RPL7: variants seen among roughly 807,000 people sequenced by gnomAD.
The protein encoded by RPL7 is ribosomal protein L7.
For synonymous variants in RPL7, 100 were observed against 102.2 expected (o/e 0.98, Z 0.13); for missense variants, 205 against 301.9 (o/e 0.68, Z 2.38).
At chr8:73,293,654 T>G (rs746636145), upstream of RPL7, 3 of 1,612,372 alleles carry the variant, frequency 1.9e-6, no homozygotes, top group Non-Finnish European at 2.5e-6. Context: ...ATGCGTACTG[T>G]CCACTTAAAG....
intron 2 of RPL7, 60 bp from the exon 3 acceptor site, chr8:73,292,465 T>A (rs552480159): frequency 2.5e-5 from 36 of 1,448,246 alleles, no homozygotes; most frequent in Non-Finnish European, 3.4e-5. Flanking sequence ...GCAATGCCAA[T>A]CATTAAAAAG....
chr8:73,293,428 G>C, intron 1 of RPL7, 171 bp downstream of exon 1: 2 of 761,624 alleles, frequency 2.6e-6, no homozygotes, highest in African/African-American at 3.5e-5. Context: ...TCCTAAGACC[G>C]CCCGCATCCC....
At position 73,292,255 on chromosome 8, in the gene RPL7, C is replaced by A; in HGVS notation, c.274G>T (p.Val92Phe). The A allele has an allele frequency of 6.2e-7, 1 of 1,612,098 alleles. No homozygotes were observed. Among genetic ancestry groups the A allele is most frequent in the Non-Finnish European group, 8.5e-7 (1 of 1,179,570 alleles). Residue 92 changes from valine (V) to phenylalanine (F), a missense_variant, in exon 3 of 7, where the codon GTC becomes TTC. Coordinates refer to ENST00000352983, the MANE Select transcript of RPL7 (RefSeq NM_000971.4). ...TGAACTTACCCTCTGATTCTGATGA[C>A]AAACGCCAATTTGGGTTCTGCAGGT... ...YVPAEPKLAF[V>F]IRIRGINGVS...
In RPL7 at chr8:73,292,279, G is replaced by A. The variant is rs756485500; in HGVS notation, c.250C>T (p.Pro84Ser). The change falls in exon 3 of 7, where the codon CCT becomes TCT. Residue 84 changes from proline (P) to serine (S), a missense_variant. Physicochemically the swap from Pro to Ser is moderately conservative, Grantham distance 74. Transcript: ENST00000352983. The stretch of plus-strand genomic sequence containing the variant: ...ACAAACGCCAATTTGGGTTCTGCAG[G>A]TACATAGAAGTTGCCAGCTTTTCTT... ...MARKAGNFYV[P>S]AEPKLAFVIR... The A allele has an allele frequency of 1.9e-6, 3 of 1,612,994 alleles. No homozygotes were observed. The highest frequency in any genetic ancestry group is 2.2e-5 in the East Asian group (1 of 44,872).
chr8:73,291,170 G>A lies in RPL7; in HGVS notation c.621C>T (p.Phe207=). 8 of 1,606,644 alleles carry A rather than the reference G, an allele frequency of 5.0e-6. No homozygotes were observed. The highest frequency in any genetic ancestry group is 6.8e-6 in the Non-Finnish European group (8 of 1,173,422). ...VGKRFKEANN[F]LWPFKLSSPR... ...GAGAAGACAATTTGAAGGGCCACAG[G>A]AAGTTATTTGCCTCTTTGAAGCGTT... Residue 207 remains phenylalanine, a synonymous_variant, in exon 6 of 7, where the codon TTC becomes TTT. Transcript: ENST00000352983.
In RPL7 at chr8:73,292,763, T is replaced by A. The variant is rs754351979; in HGVS notation, c.49A>T (p.Thr17Ser). The A allele has an allele frequency of 1.1e-5, 17 of 1,613,130 alleles. No homozygotes were observed. The highest frequency in any genetic ancestry group is 1.4e-5 in the Non-Finnish European group (17 of 1,179,754). Residue 17 changes from threonine to serine, a missense_variant, in exon 2 of 7, where the codon ACC (threonine) becomes TCC (serine). Coordinates refer to ENST00000352983, the MANE Select transcript of RPL7 (RefSeq NM_000971.4). ...AAATTCCTTCGCTTTTTCTTAAGGG[T>A]TTCTGGCACAGCAGGAACCTCCTTC... is the stretch of plus-strand genomic sequence containing the variant. ...KKKEVPAVPETLKKKRRNFAE... is the reference protein window; with the variant it reads ...KKKEVPAVPESLKKKRRNFAE...
At chr8:73,291,323 T>C in intron 5 of RPL7, 71 bp from the exon 6 acceptor site, 1 of 1,239,828 alleles carries the variant, frequency 8.1e-7, no homozygotes, top group Non-Finnish European at 1.1e-6. Context: ...CAAAATCTTT[T>C]TGAATAGGCT....
chr8:73,291,688 A>C, intron 4 of RPL7, 27 bp from the exon 5 acceptor site: 1 of 1,588,478 alleles, frequency 6.3e-7, no homozygotes, highest in Non-Finnish European at 8.6e-7. Context: ...AACATAAATA[A>C]GGTGACCACT....
At chr8:73,293,446 G>T in intron 1 of RPL7, 153 bp downstream of exon 1, 1 of 917,202 alleles carries the variant, frequency 1.1e-6, no homozygotes, top group Non-Finnish European at 1.7e-6. Context: ...CCCAACCCTA[G>T]CCTCAGGTCC....
chr8:73,292,214 C>G, intron 3 of RPL7, 25 bp downstream of exon 3: 1 of 1,583,456 alleles, frequency 6.3e-7, no homozygotes, highest in Middle Eastern at 1.9e-4. Flanking sequence ...CCATTCAAAC[C>G]CGAATGCAGT....
chr8:73,291,942 C>T (rs373747665), intron 3 of RPL7, 32 bp from the exon 4 acceptor site: 756 of 1,600,592 alleles, frequency 4.7e-4, no homozygotes, highest in South Asian at 1.6e-3. Flanking sequence ...AATGCATTTG[C>T]CTTTCATCGA....
chr8:73,293,453 G>A (rs967832619), intron 1 of RPL7, 146 bp downstream of exon 1: 7 of 979,996 alleles, frequency 7.1e-6, no homozygotes, highest in Non-Finnish European at 9.3e-6. Flanking sequence ...CTAGCCTCAG[G>A]TCCCCACTGG....
At position 73,291,024 on chromosome 8, in the gene RPL7, T is replaced by A; in HGVS notation, c.*1+19A>T. 1 of 1,577,288 alleles carries A rather than the reference T, an allele frequency of 6.3e-7. No individual in the cohort carries two copies. The highest frequency in any genetic ancestry group is 8.7e-7 in the Non-Finnish European group (1 of 1,148,446). On this transcript the variant is annotated intron_variant, in intron 6 of 6. Coordinates refer to ENST00000352983, the MANE Select transcript of RPL7 (RefSeq NM_000971.4). ...TACTCTAACATTAACTCAACCTTTCTCAGGATGAGGTCTCTCACCTTAGTT... is the reference window on the plus strand; with the variant it reads ...TACTCTAACATTAACTCAACCTTTCACAGGATGAGGTCTCTCACCTTAGTT...
At chr8:73,291,340 T>C in intron 5 of RPL7, 88 bp from the exon 6 acceptor site, 1 of 1,124,036 alleles carries the variant, frequency 8.9e-7, no homozygotes, top group Middle Eastern at 2.3e-4. Context: ...GGCTGTGAGA[T>C]GAAAACATAA....
At chr8:73,291,964 A>G in intron 3 of RPL7, 54 bp from the exon 4 acceptor site, 1 of 1,593,426 alleles carries the variant, frequency 6.3e-7, no homozygotes, top group Non-Finnish European at 8.6e-7. Context: ...ATTTTTATTA[A>G]TACTAACCAT....
At chr8:73,292,609 T>C (rs1814129093) in intron 2 of RPL7, 80 bp downstream of exon 2, 8 of 1,174,952 alleles carry the variant, frequency 6.8e-6, no homozygotes, top group East Asian at 2.3e-5. Flanking sequence ...AGGAAGTAAA[T>C]CTTGCCAAGA....
rs1814077050 is a variant in RPL7 at position 73,290,720 on chromosome 8, G to C, written c.*2-15C>G. The C allele has an allele frequency of 4.4e-6, 1 of 227,916 alleles. No individual in the cohort carries two copies. Among genetic ancestry groups the C allele is most frequent in the Admixed American group, 5.3e-5 (1 of 18,736 alleles). The allele number at this position is 227,916 out of a possible 1,614,324, so 14.1% of individuals were successfully genotyped here. Reference sequence around the variant, plus strand: ...ATGGTAGACACCTGAAAGGAAAAAAGAAAACCATTAGAAAACACTTTAGGC... The same window carrying C: ...ATGGTAGACACCTGAAAGGAAAAAACAAAACCATTAGAAAACACTTTAGGC... On this transcript the variant is annotated splice_polypyrimidine_tract_variant and intron_variant, in intron 6 of 6. Transcript: ENST00000352983.
chr8:73,292,024 G>A (rs914558566), intron 3 of RPL7, 114 bp from the exon 4 acceptor site: 2 of 1,355,898 alleles, frequency 1.5e-6, no homozygotes, highest in Non-Finnish European at 2.1e-6. Flanking sequence ...ATCCTCTCAT[G>A]TTACACACTG....
chr8:73,293,092 A>C (rs1814145456), intron 1 of RPL7: 1 of 313,600 alleles, frequency 3.2e-6, no homozygotes, highest in Non-Finnish European at 5.8e-6. Context: ...AACAAAAAAA[A>C]CACACCAACA....
Sources: gnomAD v4.1 joint callset for allele counts on GRCh38, gnomAD v4.1.1 for gene constraint, MANE v1.5 for transcripts, NCBI Gene and HGNC (gene_info 2026-07-23, HGNC 2026-07-21) for gene names.